The following ATP2B3 variants were observed in gnomAD, a reference collection of about 807,000 sequenced individuals.
The protein encoded by ATP2B3 is plasma membrane calcium-transporting ATPase 3.
In ATP2B3, 12 loss-of-function variants were observed where a neutral mutation model predicts 70.8. That is an observed-to-expected ratio of 0.17 (90% CI 0.11 to 0.27). The LOEUF (loss-of-function observed/expected upper bound fraction) is 0.27, where lower values mean the gene tolerates loss of function less well. Among genes scored for constraint, ATP2B3 ranks in the 10% least tolerant of loss-of-function variants. The pLI is 1.00. For synonymous variants in ATP2B3, 460 were observed against 497.8 expected (o/e 0.92, Z 1.01); for missense variants, 858 against 1,118.5 (o/e 0.77, Z 3.32).
intron 12 of ATP2B3, among the ~76,000 whole-genome samples, chrX:153,552,328 T>A (rs1045684570): frequency 1.8e-5 from 2 of 112,150 alleles, no homozygotes; most frequent in Non-Finnish European, 3.8e-5. Context: ...ACACAGCTTC[T>A]GTTATGATCA....
rs1302738555 is a variant in ATP2B3, at chrX:153,564,975, G to A, written c.3214G>A (p.Gly1072Arg). 4 of 1,199,108 alleles carry A rather than the reference G, an allele frequency of 3.3e-6. No homozygotes were observed. The highest frequency in any genetic ancestry group is 1.7e-5 in the African/African-American group (1 of 57,374). The change falls in exon 21 of 22, where the codon GGG (glycine) becomes AGG (arginine). Residue 1072 changes from glycine to arginine, a missense_variant. By Grantham distance (125) the Gly-to-Arg change is moderately radical. Coordinates refer to ENST00000263519, the MANE Select transcript of ATP2B3 (RefSeq NM_001001344.3). ...QLKCLKEAGHGPGKDEMTDEE... is the reference protein window; with the variant it reads ...QLKCLKEAGHRPGKDEMTDEE... ...CAAGTGCCTGAAGGAAGCCGGGCAC[G>A]GGCCCGGGAAGGACGAGATGACCGA...
In ATP2B3 at chrX:153,517,855, G is replaced by A. The variant is rs2089899495; in HGVS notation, c.-267G>A. On this transcript the variant is annotated 5_prime_UTR_variant, in exon 1 of 22. Coordinates refer to ENST00000263519, the MANE Select transcript of ATP2B3 (RefSeq NM_001001344.3). ...CGCCCGCCGGAGCCGAGGCCGCGGCGGCGGCCGTGCCCATGCCCGGGTAAG... is the reference window on the plus strand; with the variant it reads ...CGCCCGCCGGAGCCGAGGCCGCGGCAGCGGCCGTGCCCATGCCCGGGTAAG... 9.1e-6 allele frequency: 1 copy of A among 109,467 alleles called. No homozygotes were observed. Among genetic ancestry groups the A allele is most frequent in the African/African-American group, 3.3e-5 (1 of 30,660 alleles). 9.0% of individuals were successfully genotyped at this position (109,467 alleles called of 1,213,427 possible).
At chrX:153,557,892 C>G (rs782161563) in intron 16 of ATP2B3, among the ~76,000 whole-genome samples, 145 of 107,835 alleles carry the variant, frequency 1.3e-3, no homozygotes, top group African/African-American at 4.5e-3. Context: ...GCCCCCCCCC[C>G]CACCGTGACA....
intron 2 of ATP2B3, among the ~76,000 whole-genome samples, chrX:153,526,513 C>T (rs1302842368): frequency 8.9e-6 from 1 of 111,941 alleles, no homozygotes; most frequent in Non-Finnish European, 1.9e-5. Context: ...CCGGGTTCCT[C>T]GCTCAGAAAT....
At chrX:153,525,156 G>C (rs1209358806) in intron 2 of ATP2B3, among the ~76,000 whole-genome samples, 1 of 112,430 alleles carries the variant, frequency 8.9e-6, no homozygotes, top group African/African-American at 3.2e-5. Flanking sequence ...GGAAGCCACT[G>C]TGGGCCGGCA....
intron 13 of ATP2B3, among the ~76,000 whole-genome samples, chrX:153,554,867 T>G (rs1230319093): frequency 4.5e-5 from 5 of 111,524 alleles, no homozygotes; most frequent in Non-Finnish European, 7.5e-5. Flanking sequence ...CAGCCTGGCC[T>G]GGCCCTTTGG....
intron 19 of ATP2B3, 90 bp from the exon 20 acceptor site, chrX:153,562,045 C>A (rs377292176): frequency 1.2e-6 from 1 of 853,569 alleles, no homozygotes; most frequent in East Asian, 3.1e-5. Context: ...GGGGAACCAA[C>A]CAGGGTGGCT....
chrX:153,557,080 C>T (rs2090550320), intron 16 of ATP2B3, 57 bp downstream of exon 16: 4 of 1,051,987 alleles, frequency 3.8e-6, no homozygotes, highest in South Asian at 2.1e-5. Context: ...GCATCTGTCC[C>T]ATGGACATTA....
intron 21 of ATP2B3, among the ~76,000 whole-genome samples, chrX:153,575,465 G>C (rs782402086): frequency 4.5e-4 from 51 of 112,680 alleles, no homozygotes; most frequent in South Asian, 3.0e-3. Context: ...CGGAGGCTGA[G>C]GGGTAAAAGA....
intron 18 of ATP2B3, 106 bp downstream of exon 18, chrX:153,560,048 G>C: frequency 1.2e-6 from 1 of 834,094 alleles, no homozygotes; most frequent in East Asian, 3.4e-5. Flanking sequence ...CACCCAGTAC[G>C]GGGTGGGACG....
intron 21 of ATP2B3, among the ~76,000 whole-genome samples, chrX:153,568,804 C>G (rs1216960917): frequency 8.9e-6 from 1 of 112,815 alleles, no homozygotes; most frequent in African/African-American, 3.2e-5. Flanking sequence ...AACCTGGTGG[C>G]CACCACATAG....
chrX:153,569,530 C>T (rs1396013250), intron 21 of ATP2B3: 39 of 1,132,795 alleles, frequency 3.4e-5, no homozygotes, highest in Middle Eastern at 3.0e-4. Flanking sequence ...CCCCTATCCT[C>T]GCCCAGCCCT....
chrX:153,526,202 C>G (rs2090030886), intron 2 of ATP2B3, among the ~76,000 whole-genome samples: 1 of 112,571 alleles, frequency 8.9e-6, no homozygotes, highest in Non-Finnish European at 1.9e-5. Flanking sequence ...TCTCCCGGTG[C>G]CTTCCCAGTG....
intron 21 of ATP2B3, among the ~76,000 whole-genome samples, chrX:153,568,930 G>A (rs1011184592): frequency 8.9e-6 from 1 of 112,908 alleles, no homozygotes; most frequent in Non-Finnish European, 1.9e-5. Flanking sequence ...GCCAAGGGCA[G>A]GTCAGGAAAT....
At chrX:153,541,171 G>A (rs781945905) in intron 3 of ATP2B3, among the ~76,000 whole-genome samples, 188 bp from the exon 4 acceptor site, 3 of 112,598 alleles carry the variant, frequency 2.7e-5, no homozygotes, top group South Asian at 3.7e-4. Flanking sequence ...TCACTCCCAC[G>A]TGCACACCCC....
At chrX:153,522,789 C>T in intron 2 of ATP2B3, among the ~76,000 whole-genome samples, 1 of 112,109 alleles carries the variant, frequency 8.9e-6, no homozygotes, top group Non-Finnish European at 1.9e-5. Flanking sequence ...CTAGCACACC[C>T]AGCATGGGGC....
At chrX:153,526,695 G>C (rs1429853040) in intron 2 of ATP2B3, among the ~76,000 whole-genome samples, 1 of 111,854 alleles carries the variant, frequency 8.9e-6, no homozygotes, top group Non-Finnish European at 1.9e-5. Flanking sequence ...ACATTTGGCA[G>C]CAGGCATCCT....
chrX:153,536,051 T>C, intron 2 of ATP2B3, 71 bp from the exon 3 acceptor site: 1 of 470,136 alleles, frequency 2.1e-6, no homozygotes, highest in Non-Finnish European at 3.8e-6. Flanking sequence ...TTGCCGAGAA[T>C]ATTCTGGAAG....
At chrX:153,550,400 T>C in intron 12 of ATP2B3, 114 bp downstream of exon 12, 1 of 1,074,578 alleles carries the variant, frequency 9.3e-7, no homozygotes, top group Non-Finnish European at 1.3e-6. Context: ...AGTGTACAGT[T>C]GAATGGCATT....
Sources: gnomAD v4.1 joint callset for allele counts (sites outside exome capture counted in the v4.1 genomes callset) on GRCh38, gnomAD v4.1.1 for gene constraint, MANE v1.5 for transcripts, NCBI Gene and HGNC (gene_info 2026-07-23, HGNC 2026-07-21) for gene names.